Variants in SSBP2 observed in about 807,000 individuals in gnomAD.
SSBP2 encodes single stranded DNA binding protein 2, also known as single-stranded DNA-binding protein 2.
In SSBP2, 17 loss-of-function variants were observed where a neutral mutation model predicts 61.8. That is an observed-to-expected ratio of 0.28 (90% CI 0.19 to 0.41). The LOEUF is 0.41. SSBP2 is among the 10% of genes least tolerant of loss of function. SSBP2 has a pLI of 1.00. For missense variants in SSBP2, 310 were observed against 458.7 expected (o/e 0.68, Z 2.96); for synonymous variants, 139 against 141.3 (o/e 0.98, Z 0.12).
At chr5:81,750,708 G>A (rs1757703679) in intron 1 of SSBP2, 6 of 504,764 alleles carry the variant, frequency 1.2e-5, no homozygotes, top group African/African-American at 2.1e-5. Flanking sequence ...ACCCAAACAA[G>A]TTTCCATCCT....
intron 3 of SSBP2, among the ~76,000 whole-genome samples, chr5:81,622,577 C>T (rs1746706731): frequency 6.6e-6 from 1 of 152,168 alleles, no homozygotes; most frequent in Admixed American, 6.5e-5. Context: ...ACCATATATG[C>T]ACAGTGTCTG....
chr5:81,624,897 T>C (rs568505589), intron 3 of SSBP2, among the ~76,000 whole-genome samples: 1 of 152,154 alleles, frequency 6.6e-6, no homozygotes, highest in African/African-American at 2.4e-5. Flanking sequence ...CACGTCTATA[T>C]AATATGCTGC....
rs529383193 is a variant in SSBP2 at position 81,518,098 on chromosome 5, A to T, written c.283-4381T>A. Among the ~76,000 whole-genome samples, 5 of 152,286 alleles carry T rather than the reference A, an allele frequency of 3.3e-5. 1 individual carries two copies. The East Asian group carries it at 9.7e-4, about 29-fold the overall frequency. On this transcript the variant is annotated intron_variant, in intron 4 of 16. Coordinates refer to ENST00000320672, the MANE Select transcript of SSBP2 (RefSeq NM_012446.5). ...CCTAATTATACAGTGAAGAATCAAG[A>T]CAGTCTATATTTGGTAAAATAGGAA...
intron 6 of SSBP2, among the ~76,000 whole-genome samples, chr5:81,487,522 G>A (rs1766472253): frequency 6.6e-6 from 1 of 151,916 alleles, no homozygotes; most frequent in Admixed American, 6.6e-5. Context: ...GAATGCTAGA[G>A]CCATGATATT....
intron 10 of SSBP2, 83 bp downstream of exon 10, chr5:81,460,972 C>T (rs1411490725): frequency 2.1e-5 from 18 of 867,328 alleles, no homozygotes; most frequent in Non-Finnish European, 1.6e-5. Context: ...AATTGCAAAG[C>T]TTTCAAAAGC....
chr5:81,696,491 G>T (rs942497692), intron 1 of SSBP2, among the ~76,000 whole-genome samples: 1 of 152,182 alleles, frequency 6.6e-6, no homozygotes, highest in African/African-American at 2.4e-5. Flanking sequence ...GAAGTTGGGG[G>T]TGGGAGAAAG....
chr5:81,562,194 C>T (rs535455980), intron 4 of SSBP2, among the ~76,000 whole-genome samples: 2 of 152,246 alleles, frequency 1.3e-5, no homozygotes, highest in South Asian at 2.1e-4. Flanking sequence ...GCTTGAGCCA[C>T]CGCCCCCGGC....
At chr5:81,750,794 C>T (rs1173725517) in intron 1 of SSBP2, 187 bp downstream of exon 1, 4 of 656,890 alleles carry the variant, frequency 6.1e-6, no homozygotes, top group African/African-American at 5.7e-5. Context: ...GCCCGCCCAG[C>T]GCCCGCACCT....
At chr5:81,706,488 T>A (rs1210768558) in intron 1 of SSBP2, among the ~76,000 whole-genome samples, 1 of 152,200 alleles carries the variant, frequency 6.6e-6, no homozygotes, top group Non-Finnish European at 1.5e-5. Flanking sequence ...AATAAAAGTT[T>A]TAATTATTTT....
intron 1 of SSBP2, among the ~76,000 whole-genome samples, chr5:81,737,514 G>C (rs1235147861): frequency 6.6e-6 from 1 of 151,946 alleles, no homozygotes; most frequent in Non-Finnish European, 1.5e-5. Context: ...CAGGCGCGGT[G>C]GCTCACACCT....
At chr5:81,593,634 G>A (rs933476612) in intron 4 of SSBP2, among the ~76,000 whole-genome samples, 1 of 152,202 alleles carries the variant, frequency 6.6e-6, no homozygotes, top group Admixed American at 6.5e-5. Flanking sequence ...CAGACTAATA[G>A]CGGATCTCTC....
rs147341567 is a variant in SSBP2 at position 81,444,888 on chromosome 5, C to T, written c.778+1980G>A. ...CTGTAATCCCAGCACTTTGGGAGGC[C>T]AAGGCAGGTGAATCACTTGAGGTTA... On this transcript the variant is annotated intron_variant, in intron 12 of 16. Coordinates refer to ENST00000320672, the MANE Select transcript of SSBP2 (RefSeq NM_012446.5). 9.9e-4 allele frequency among the ~76,000 whole-genome samples: 150 copies of T among 151,330 alleles called. 1 individual carries two copies. Among genetic ancestry groups the T allele is most frequent in the African/African-American group, 3.5e-3 (143 of 41,220 alleles).
chr5:81,643,595 C>CTTTTT (rs368511957), intron 2 of SSBP2, among the ~76,000 whole-genome samples: 526 of 60,176 alleles, frequency 8.7e-3, no homozygotes, highest in Middle Eastern at 0.014. Context: ...TTTTTCCTTT[C>CTTTTT]TTTTTTTTTT....
intron 1 of SSBP2, among the ~76,000 whole-genome samples, chr5:81,691,969 T>C (rs146098479): frequency 6.6e-6 from 1 of 152,312 alleles, no homozygotes; most frequent in East Asian, 1.9e-4. Flanking sequence ...ATGCCCACTT[T>C]CACCACTGTT....
chr5:81,555,671 A>C (rs1191675840), intron 4 of SSBP2, among the ~76,000 whole-genome samples: 1 of 152,148 alleles, frequency 6.6e-6, no homozygotes, highest in Non-Finnish European at 1.5e-5. Context: ...CAGAAAACAC[A>C]TAGAACCAGT....
chr5:81,712,984 T>C (rs1754902693), intron 1 of SSBP2, among the ~76,000 whole-genome samples: 1 of 151,916 alleles, frequency 6.6e-6, no homozygotes, highest in South Asian at 2.1e-4. Context: ...CACCTCAGCC[T>C]CCCAAATTAC....
chr5:81,687,972 C>G (rs147562295), intron 1 of SSBP2, among the ~76,000 whole-genome samples: 470 of 152,230 alleles, frequency 3.1e-3, no homozygotes, highest in Non-Finnish European at 5.5e-3. Context: ...ATTGAGAAAA[C>G]GAGAAGGAAG....
intron 4 of SSBP2, among the ~76,000 whole-genome samples, chr5:81,608,010 C>T (rs1378520757): frequency 6.6e-6 from 1 of 152,088 alleles, no homozygotes; most frequent in African/African-American, 2.4e-5. Context: ...CCCTTGTTTT[C>T]ATGCTAGTCT....
At chr5:81,488,480 A>T (rs1286742647) in intron 6 of SSBP2, among the ~76,000 whole-genome samples, 1 of 151,988 alleles carries the variant, frequency 6.6e-6, no homozygotes. Flanking sequence ...AGTGATATTG[A>T]GCACCTTTTC....
Sources: allele counts gnomAD v4.1 joint callset (sites outside exome capture counted in the v4.1 genomes callset), GRCh38; gene constraint gnomAD v4.1.1; transcripts MANE v1.5; gene names NCBI Gene and HGNC (gene_info 2026-07-23, HGNC 2026-07-21).